Variants in NEIL3 observed in about 807,000 individuals in gnomAD.
NEIL3 encodes the protein endonuclease 8-like 3.
NEIL3 carries 48 observed loss-of-function variants against 57.5 expected under a neutral mutation model. The observed-to-expected ratio is 0.83, with a 90% CI of 0.66 to 1.06. The LOEUF is 1.06. Ranked by LOEUF, NEIL3 falls within the 50% of genes least tolerant of loss-of-function variation. NEIL3 has a pLI of 0.00. For missense variants in NEIL3, 717 were observed against 739.1 expected (o/e 0.97, Z 0.35); for synonymous variants, 261 against 253.2 (o/e 1.03, Z -0.29).
Position 177,310,007 on chromosome 4 carries a change from G to A in NEIL3, c.54G>A (p.Val18=), listed in dbSNP as rs745719025. 5 of 1,610,872 alleles carry A rather than the reference G, an allele frequency of 3.1e-6. No homozygotes were observed. In the East Asian group the frequency reaches 6.7e-5, roughly 22 times the overall value. The change falls in exon 1 of 10, where the codon GTG becomes GTA. Residue 18 remains valine, a synonymous_variant. Transcript: ENST00000264596. The part of the protein sequence containing the change: ...TLNGEKIRAR[V]LPGQAVTGVR... ...ATGGAGAGAAGATTCGCGCGCGGGTGCTCCCGGGCCAGGCGGTGACCGGCG... is the reference window on the plus strand; with the variant it reads ...ATGGAGAGAAGATTCGCGCGCGGGTACTCCCGGGCCAGGCGGTGACCGGCG...
intron 8 of NEIL3, among the ~76,000 whole-genome samples, chr4:177,356,661 T>G (rs931330953): frequency 9.2e-5 from 14 of 152,218 alleles, no homozygotes; most frequent in Admixed American, 6.5e-4. Context: ...ATATGATAAT[T>G]ACTTTGACTT....
intron 8 of NEIL3, among the ~76,000 whole-genome samples, chr4:177,359,238 T>G (rs1264210583): frequency 6.6e-6 from 1 of 152,226 alleles, no homozygotes; most frequent in Non-Finnish European, 1.5e-5. Flanking sequence ...AAGTATTTAA[T>G]GGTGACGATT....
chr4:177,357,386 A>G (rs1735497036), intron 8 of NEIL3, among the ~76,000 whole-genome samples: 1 of 152,010 alleles, frequency 6.6e-6, no homozygotes, highest in Non-Finnish European at 1.5e-5. Context: ...TAAGTTCATC[A>G]GCTGTCACCA....
intron 8 of NEIL3, among the ~76,000 whole-genome samples, chr4:177,357,980 G>A (rs2110939786): frequency 6.6e-6 from 1 of 152,258 alleles, no homozygotes; most frequent in South Asian, 2.1e-4. Flanking sequence ...GAACTAAGAT[G>A]TCCTCAGTTA....
At chr4:177,312,113 G>T (rs572830521) in intron 1 of NEIL3, among the ~76,000 whole-genome samples, 1 of 152,092 alleles carries the variant, frequency 6.6e-6, no homozygotes, top group Non-Finnish European at 1.5e-5. Context: ...TATCTCTGAT[G>T]GTATGGCATG....
chr4:177,341,231 A>C lies in NEIL3; in HGVS notation c.703-245A>C, dbSNP rs73864996. ...GATAAGAGGATAAAGCTATGCAAAG[A>C]GCAATTTTGAATACTAATGTCATTA... On this transcript the variant is annotated intron_variant, in intron 5 of 9. Coordinates refer to ENST00000264596, the MANE Select transcript of NEIL3 (RefSeq NM_018248.3). 9.4e-3 allele frequency among the ~76,000 whole-genome samples: 1,433 copies of C among 152,338 alleles called. 25 individuals carry two copies. Among genetic ancestry groups the C allele is most frequent in the African/African-American group, 0.032 (1,326 of 41,570 alleles).
intron 1 of NEIL3, among the ~76,000 whole-genome samples, chr4:177,318,111 T>C (rs2111112957): frequency 6.6e-6 from 1 of 152,324 alleles, no homozygotes; most frequent in Middle Eastern, 3.4e-3. Context: ...GTAGGTTCTA[T>C]AGAATCTTGA....
intron 6 of NEIL3, among the ~76,000 whole-genome samples, chr4:177,346,085 A>G (rs1194848065): frequency 6.6e-6 from 1 of 152,142 alleles, no homozygotes; most frequent in Non-Finnish European, 1.5e-5. Context: ...GCCCCTACAT[A>G]TCTATTACAA....
chr4:177,354,881 A>G (rs1735442138), intron 8 of NEIL3, among the ~76,000 whole-genome samples: 1 of 152,228 alleles, frequency 6.6e-6, no homozygotes, highest in Non-Finnish European at 1.5e-5. Context: ...GAGCAGATAT[A>G]TTTTATAGGA....
intron 1 of NEIL3, among the ~76,000 whole-genome samples, chr4:177,312,262 T>C (rs1200370173): frequency 6.6e-6 from 1 of 152,206 alleles, no homozygotes; most frequent in Non-Finnish European, 1.5e-5. Context: ...AGTAAGGGGC[T>C]AAACCAGGGT....
intron 9 of NEIL3, 117 bp from the exon 10 acceptor site, chr4:177,362,172 C>T: frequency 1.7e-6 from 1 of 602,414 alleles, no homozygotes; most frequent in East Asian, 3.3e-5. Context: ...TTTACAATGT[C>T]AAATTAATGA....
At chr4:177,318,481 G>A (rs942787313) in intron 1 of NEIL3, among the ~76,000 whole-genome samples, 2 of 152,194 alleles carry the variant, frequency 1.3e-5, no homozygotes, top group African/African-American at 4.8e-5. Flanking sequence ...TAATGGGGCA[G>A]TTGTCTTCAT....
chr4:177,353,167 C>T, intron 7 of NEIL3, 141 bp from the exon 8 acceptor site: 1 of 658,054 alleles, frequency 1.5e-6, no homozygotes, highest in South Asian at 2.3e-5. Flanking sequence ...CTTGTCTGAG[C>T]TAACTTTGTG....
intron 1 of NEIL3, among the ~76,000 whole-genome samples, chr4:177,312,653 A>G (rs1725338919): frequency 6.6e-6 from 1 of 152,184 alleles, no homozygotes; most frequent in African/African-American, 2.4e-5. Flanking sequence ...GTTATACCCC[A>G]CACATAAAAA....
chr4:177,327,103 C>T (rs1734796396), intron 2 of NEIL3, among the ~76,000 whole-genome samples: 1 of 152,080 alleles, frequency 6.6e-6, no homozygotes, highest in African/African-American at 2.4e-5. Context: ...GGCTCTTCCC[C>T]CTTCTCTTTC....
intron 7 of NEIL3, among the ~76,000 whole-genome samples, chr4:177,353,093 G>C (rs950966288): frequency 2.6e-5 from 4 of 152,100 alleles, no homozygotes; most frequent in Non-Finnish European, 5.9e-5. Context: ...CTGGGTTTCT[G>C]TAAGTCGAAA....
At chr4:177,340,522 G>A (rs145155988) in intron 5 of NEIL3, among the ~76,000 whole-genome samples, 126 of 152,204 alleles carry the variant, frequency 8.3e-4, no homozygotes, top group African/African-American at 3.0e-3. Flanking sequence ...CAGAAAGTCA[G>A]GTATTGTAGT....
At position 177,341,554 on chromosome 4, in the gene NEIL3, A is replaced by G; in HGVS notation, c.781A>G (p.Ile261Val). 1 of 1,613,816 alleles carries G rather than the reference A, an allele frequency of 6.2e-7. No individual in the cohort carries two copies. Among genetic ancestry groups the G allele is most frequent in the East Asian group, 2.2e-5 (1 of 44,846 alleles). Residue 261 changes from isoleucine to valine, a missense_variant, in exon 6 of 10, where the codon ATA (isoleucine) becomes GTA (valine). Ile to Val is a conservative substitution (Grantham distance 29). Coordinates refer to ENST00000264596, the MANE Select transcript of NEIL3 (RefSeq NM_018248.3). ...TAATTGTGGTCAGTGCCACTGCAGA[A>G]TAACTGTGTGCCGCTTTGGGGACAA... ...RPNCGQCHCR[I>V]TVCRFGDNNR... is the part of the protein sequence containing the mutation.
intron 8 of NEIL3, among the ~76,000 whole-genome samples, chr4:177,358,937 C>A (rs1429158298): frequency 1.3e-5 from 2 of 152,178 alleles, no homozygotes; most frequent in Non-Finnish European, 2.9e-5. Flanking sequence ...TATTCTTAAT[C>A]TTTTCTCCTT....
Sources: allele counts gnomAD v4.1 joint callset (sites outside exome capture counted in the v4.1 genomes callset), GRCh38; gene constraint gnomAD v4.1.1; transcripts MANE v1.5; gene names NCBI Gene and HGNC (gene_info 2026-07-23, HGNC 2026-07-21).